Variants in ERAP1 observed in about 807,000 individuals in gnomAD.
ERAP1 encodes the protein adipocyte-derived leucine aminopeptidase.
Under a neutral mutation model 103.7 loss-of-function variants are expected in ERAP1, and 86 were observed. That is an observed-to-expected ratio of 0.83 (90% CI 0.70 to 0.99). The LOEUF (loss-of-function observed/expected upper bound fraction) is 0.99. Among genes scored for constraint, ERAP1 ranks in the 50% least tolerant of loss-of-function variants. The probability of loss-of-function intolerance (pLI) is 0.00; values close to 1 mark genes in which losing one functional copy is unlikely to be tolerated. For missense variants in ERAP1, 1,009 were observed against 1,128.4 expected (o/e 0.89, Z 1.52); for synonymous variants, 398 against 402.4 (o/e 0.99, Z 0.13).
chr5:96,851,024 GTTTC>G, the ERAP1 span, among the ~76,000 whole-genome samples: 1 of 152,008 alleles, frequency 6.6e-6, no homozygotes, highest in Non-Finnish European at 1.5e-5. Flanking sequence ...GACATGCTCA[GTTTC>G]TTTCATTTTT....
the ERAP1 span, among the ~76,000 whole-genome samples, chr5:96,879,132 T>A: frequency 6.6e-6 from 1 of 152,072 alleles, no homozygotes; most frequent in East Asian, 1.9e-4. Flanking sequence ...GGTGGGAGGA[T>A]CACTTGAGCC....
Position 96,790,588 on chromosome 5 carries a change from C to G in ERAP1, c.1376G>C (p.Ser459Thr), listed in dbSNP as rs776697620. The change falls in exon 9 of 19, where the codon AGT becomes ACT. Residue 459 changes from serine (S) to threonine (T), a missense_variant. This residue lies in a region of ERAP1 where 611 missense variants were observed against 651.7 expected (regional missense o/e 0.94). Transcript: ENST00000443439. ...REYLSADAFK[S>T]GIVQYLQKHS... ...CTTCTGGAGATACTGTACAATACCA[C>G]TTTTAAATGCGTCAGCACTAAGATA... The G allele has an allele frequency of 1.9e-6, 3 of 1,612,770 alleles. No homozygotes were observed. The Middle Eastern group carries it at 5.0e-4, about 266-fold the overall frequency.
the ERAP1 span, among the ~76,000 whole-genome samples, chr5:96,865,498 A>C: frequency 6.6e-6 from 1 of 152,212 alleles, no homozygotes; most frequent in East Asian, 1.9e-4. Flanking sequence ...CAAAATACCC[A>C]GGTAGAAATA....
Position 96,776,163 on chromosome 5 carries a change from C to A in ERAP1, c.*233G>T. ...ACTTTATTCTTCTGTGGCAGGGAAC[C>A]CAACACTTGGGTTTACGTTGCAGGG... On this transcript the variant is annotated 3_prime_UTR_variant, in exon 19 of 19. Transcript: ENST00000443439. The A allele has an allele frequency of 6.7e-7, 1 of 1,499,912 alleles. No individual in the cohort carries two copies. Among genetic ancestry groups the A allele is most frequent in the Admixed American group, 2.0e-5 (1 of 49,952 alleles). 92.9% of individuals were successfully genotyped at this position (1,499,912 alleles called of 1,614,324 possible).
intron 18 of ERAP1, chr5:96,776,761 TTTG>T (rs1361694887): frequency 1.9e-6 from 1 of 513,792 alleles, no homozygotes; most frequent in South Asian, 2.5e-5. Flanking sequence ...CTGCAGTTCT[TTTG>T]TTTATTCTCA....
chr5:96,793,968 A>T lies in ERAP1; in HGVS notation c.920-11T>A. Reference sequence around the variant, plus strand: ...GAATAGCAGCAAGATCTTGGGAAGGAAGTAATAAAATACATTACCAGTCTC... The same window carrying T: ...GAATAGCAGCAAGATCTTGGGAAGGTAGTAATAAAATACATTACCAGTCTC... On this transcript the variant is annotated splice_polypyrimidine_tract_variant and intron_variant, in intron 5 of 18. Coordinates refer to ENST00000443439, the MANE Select transcript of ERAP1 (RefSeq NM_001040458.3). 1 of 1,613,842 alleles carries T rather than the reference A, an allele frequency of 6.2e-7. No homozygotes were observed. The highest frequency in any genetic ancestry group is 8.5e-7 in the Non-Finnish European group (1 of 1,179,744).
the ERAP1 span, among the ~76,000 whole-genome samples, chr5:96,838,961 G>A: frequency 7.9e-5 from 12 of 152,214 alleles, no homozygotes; most frequent in African/African-American, 2.9e-4. Flanking sequence ...TCCCCAGGCC[G>A]TGCACACTTC....
chr5:96,794,399 A>G (rs1438315878), intron 5 of ERAP1, among the ~76,000 whole-genome samples: 1 of 152,018 alleles, frequency 6.6e-6, no homozygotes, highest in African/African-American at 2.4e-5. Context: ...CATGTTGCCC[A>G]GGCTGGCCTC....
the ERAP1 span, chr5:96,917,319 G>C: frequency 1.7e-6 from 1 of 583,760 alleles, no homozygotes; most frequent in East Asian, 3.3e-5. Flanking sequence ...AGGGGTTCTG[G>C]CATGTTGCCT....
the ERAP1 span, chr5:96,935,830 C>T: frequency 8.5e-6 from 3 of 352,472 alleles, no homozygotes; most frequent in African/African-American, 2.1e-5. Context: ...CGTTCCCGGC[C>T]GGGGAGAGCG....
chr5:96,874,126 GAA>G, the ERAP1 span, among the ~76,000 whole-genome samples: 1 of 133,200 alleles, frequency 7.5e-6, no homozygotes, highest in East Asian at 2.1e-4. Flanking sequence ...AGGAAAGAAA[GAA>G]AGAGAGAGAG....
Position 96,776,580 on chromosome 5 carries a change from A to T in ERAP1, c.2671-29T>A, listed in dbSNP as rs56213813. On this transcript the variant is annotated intron_variant, in intron 18 of 18. Coordinates refer to ENST00000443439, the MANE Select transcript of ERAP1 (RefSeq NM_001040458.3). ...GTGAGGAAAAAGTGGGTTTTAAAAA[A>T]TTAATTTTATCACATTAATCAGATG... The T allele has an allele frequency of 0.11, 180,799 of 1,606,278 alleles. 11,262 individuals carry two copies. Among genetic ancestry groups the T allele is most frequent in the Non-Finnish European group, 0.13 (148,628 of 1,176,078 alleles).
the ERAP1 span, chr5:96,880,829 C>T: frequency 6.3e-6 from 1 of 159,532 alleles, no homozygotes; most frequent in Non-Finnish European, 1.4e-5. Flanking sequence ...GAAGAGACAA[C>T]CAGGACAAGA....
At chr5:96,907,896 T>G in the ERAP1 span, among the ~76,000 whole-genome samples, 1 of 144,614 alleles carries the variant, frequency 6.9e-6, no homozygotes, top group Non-Finnish European at 1.5e-5. Flanking sequence ...AAAAAAAAAA[T>G]ATATATATAT....
rs1164887882 is a variant in ERAP1 at position 96,776,209 on chromosome 5, A to C, written c.*187T>G. On this transcript the variant is annotated 3_prime_UTR_variant, in exon 19 of 19. Coordinates refer to ENST00000443439, the MANE Select transcript of ERAP1 (RefSeq NM_001040458.3). The stretch of plus-strand genomic sequence containing the variant: ...CAGGGCAACACCTGTGATGAACAAA[A>C]CACATGGTAGCGATAGCCCATTCAT... 8.7e-7 allele frequency: 1 copy of C among 1,147,556 alleles called. No homozygotes were observed. The allele number at this position is 1,147,556 out of a possible 1,614,324, so 71.1% of individuals were successfully genotyped here.
chr5:96,803,486 A>G lies in ERAP1; in HGVS notation c.441T>C (p.Val147=). Residue 147 remains valine, a synonymous_variant, in exon 2 of 19, where the codon GTT becomes GTC. Coordinates refer to ENST00000443439, the MANE Select transcript of ERAP1 (RefSeq NM_001040458.3). ...EPLLVGLPYT[V]VIHYAGNLSE... ...AAAGATTGCCAGCATAGTGAATGAC[A>G]ACTGTGTACGGGAGCCCGACAAGGA... 1 of 1,613,678 alleles carries G rather than the reference A, an allele frequency of 6.2e-7. No individual in the cohort carries two copies.
downstream of ERAP1, chr5:96,770,396 A>G (rs1771839937): frequency 1.6e-6 from 1 of 606,948 alleles, no homozygotes; most frequent in Non-Finnish European, 3.0e-6. Flanking sequence ...AAAATCATGA[A>G]AAAACACCCA....
the ERAP1 span, chr5:96,814,416 T>C: frequency 9.1e-6 from 4 of 439,646 alleles, no homozygotes; most frequent in South Asian, 6.6e-5. Flanking sequence ...ATTGAAGATA[T>C]TTCTACTATT....
chr5:96,910,437 C>T, the ERAP1 span, among the ~76,000 whole-genome samples: 3 of 150,740 alleles, frequency 2.0e-5, no homozygotes, highest in African/African-American at 7.3e-5. Flanking sequence ...GGGATTCAAG[C>T]CTGAAATCAG....
Sources: gnomAD v4.1 joint callset for allele counts (sites outside exome capture counted in the v4.1 genomes callset) on GRCh38, gnomAD v4.1.1 for gene constraint, gnomAD v4.1.1 regional missense constraint, MANE v1.5 for transcripts, NCBI Gene and HGNC (gene_info 2026-07-23, HGNC 2026-07-21) for gene names.